Variants in FOCAD observed in about 807,000 individuals in gnomAD.
The protein encoded by FOCAD is focadhesin, also known as KIAA1797.
Under a neutral mutation model 225.6 loss-of-function variants are expected in FOCAD, and 198 were observed. The ratio of observed to expected loss-of-function variants is 0.88; its 90% CI spans 0.78 to 0.99. The LOEUF (loss-of-function observed/expected upper bound fraction) is 0.99. FOCAD is among the 50% of genes least tolerant of loss of function. The pLI is 0.00. For missense variants in FOCAD, 2,713 were observed against 2,123.6 expected, an observed-to-expected ratio of 1.28 and a Z score of -5.46; for synonymous variants, 897 against 755.0, an observed-to-expected ratio of 1.19 and a Z score of -3.08.
At chr9:20,781,100 C>T (rs887229036) in intron 9 of FOCAD, among the ~76,000 whole-genome samples, 3 of 152,158 alleles carry the variant, frequency 2.0e-5, no homozygotes, top group African/African-American at 7.2e-5. Flanking sequence ...ATATTTATGC[C>T]TTAACTCATT....
intron 5 of FOCAD, among the ~76,000 whole-genome samples, chr9:20,744,246 T>A (rs1359051363): frequency 6.6e-6 from 1 of 152,188 alleles, no homozygotes; most frequent in East Asian, 1.9e-4. Context: ...AGCTCATCTT[T>A]GGAGTTTTTA....
chr9:20,691,420 T>C lies in FOCAD; in HGVS notation c.-33+7127T>C, dbSNP rs564769207. The stretch of plus-strand genomic sequence containing the variant: ...GGTCAGTCATTAGACCTTATACTTC[T>C]GGATCATATCATTCAGCCTTTAAAT... On this transcript the variant is annotated intron_variant, in intron 1 of 43. Transcript: ENST00000338382. 1.8e-4 allele frequency among the ~76,000 whole-genome samples: 28 copies of C among 152,232 alleles called. 1 individual carries two copies. Among genetic ancestry groups the C allele is most frequent in the African/African-American group, 6.5e-4 (27 of 41,552 alleles).
At chr9:20,988,516 A>C (rs1021225988) in intron 41 of FOCAD, 87 bp downstream of exon 41, 1 of 410,120 alleles carries the variant, frequency 2.4e-6, no homozygotes, top group Non-Finnish European at 4.3e-6. Flanking sequence ...TTTTGCCATT[A>C]ATTGGCAAAA....
At chr9:20,799,828 G>C (rs1821587146) in intron 11 of FOCAD, among the ~76,000 whole-genome samples, 1 of 152,024 alleles carries the variant, frequency 6.6e-6, no homozygotes, top group Admixed American at 6.6e-5. Flanking sequence ...CTTTTAATTG[G>C]AGCATTTAGC....
intron 1 of FOCAD, among the ~76,000 whole-genome samples, chr9:20,685,196 A>ATTTTTTTTTTTTTTTTTTTT (rs397959541): frequency 8.4e-5 from 12 of 143,062 alleles, no homozygotes; most frequent in African/African-American, 1.8e-4. Flanking sequence ...TGAGTTGGAA[A>ATTTTTTTTTTTTTTTTTTTT]TTTTTTTTTT....
chr9:20,978,325 T>G lies in FOCAD; in HGVS notation c.4262-14T>G. ...TAACTATATATTCAATTCTTTTCCT[T>G]TCTTGACTTTCAGGTGAAGAGATCC... On this transcript the variant is annotated splice_polypyrimidine_tract_variant and intron_variant, in intron 36 of 43. Transcript: ENST00000338382. 1.9e-6 allele frequency: 3 copies of G among 1,564,728 alleles called. No individual in the cohort carries two copies. The highest frequency in any genetic ancestry group is 2.6e-6 in the Non-Finnish European group (3 of 1,145,246).
At chr9:20,908,993 G>A (rs559581144) in intron 22 of FOCAD, among the ~76,000 whole-genome samples, 1 of 151,998 alleles carries the variant, frequency 6.6e-6, no homozygotes, top group Non-Finnish European at 1.5e-5. Flanking sequence ...AATAAAGGAT[G>A]TTCAAAATGC....
intron 6 of FOCAD, among the ~76,000 whole-genome samples, chr9:20,763,509 C>T (rs556739950): frequency 3.3e-5 from 5 of 152,158 alleles, no homozygotes; most frequent in African/African-American, 7.2e-5. Context: ...ATCTTAAAAG[C>T]ACATCTGATG....
At chr9:20,754,833 C>T (rs1237118066) in intron 5 of FOCAD, among the ~76,000 whole-genome samples, 5 of 152,080 alleles carry the variant, frequency 3.3e-5, no homozygotes, top group African/African-American at 1.2e-4. Context: ...AGTGGTAAGA[C>T]TGAGAAACTC....
At chr9:20,813,189 G>A (rs963137155) in intron 11 of FOCAD, among the ~76,000 whole-genome samples, 28 of 152,042 alleles carry the variant, frequency 1.8e-4, no homozygotes, top group Non-Finnish European at 3.4e-4. Flanking sequence ...GTATATGATA[G>A]AATTTTTCTT....
In FOCAD at chr9:20,865,991, C is replaced by A; in HGVS notation, c.2106+15C>A. 6.3e-7 allele frequency: 1 copy of A among 1,595,828 alleles called. No individual in the cohort carries two copies. The highest frequency in any genetic ancestry group is 8.5e-7 in the Non-Finnish European group (1 of 1,169,674). On this transcript the variant is annotated intron_variant, in intron 17 of 43. Coordinates refer to ENST00000338382, the MANE Select transcript of FOCAD (RefSeq NM_001375567.1). ...CTCAAAACAAGGTACTATCACAAGG[C>A]TTGTCAGTGAATCAGAACAAAGCTA...
intron 35 of FOCAD, among the ~76,000 whole-genome samples, chr9:20,967,865 A>G (rs1429726811): frequency 1.6e-4 from 25 of 151,938 alleles, no homozygotes; most frequent in Admixed American, 1.6e-3. Flanking sequence ...ATGCTGTTGG[A>G]TTCTGTTTGC....
chr9:20,744,278 C>T (rs1296397685), intron 5 of FOCAD, among the ~76,000 whole-genome samples: 1 of 152,158 alleles, frequency 6.6e-6, no homozygotes, highest in African/African-American at 2.4e-5. Flanking sequence ...ATGGCCCAGA[C>T]TTCTGCATTT....
At chr9:20,943,152 C>T (rs991825171) in intron 28 of FOCAD, among the ~76,000 whole-genome samples, 12 of 152,160 alleles carry the variant, frequency 7.9e-5, no homozygotes, top group African/African-American at 1.9e-4. Context: ...TTTCCTCTTC[C>T]GTAAATGTGA....
chr9:20,805,444 A>G (rs779677066), intron 11 of FOCAD, among the ~76,000 whole-genome samples: 3 of 152,096 alleles, frequency 2.0e-5, no homozygotes, highest in Non-Finnish European at 2.9e-5. Flanking sequence ...ATTGTGCTGT[A>G]TGGTTGGGAT....
In FOCAD at chr9:20,783,803, G is replaced by A. The variant is rs185541097; in HGVS notation, c.1197+1874G>A. On this transcript the variant is annotated intron_variant, in intron 10 of 43. Transcript: ENST00000338382. ...TTCCTCCTTGTTCTCCTCCACTCCC[G>A]CAAGAGAATGTGGGGGATAAAAGAG... is the stretch of plus-strand genomic sequence containing the variant. 1.3e-5 allele frequency among the ~76,000 whole-genome samples: 2 copies of A among 152,152 alleles called. 1 individual carries two copies. The highest frequency in any genetic ancestry group is 2.9e-5 in the Non-Finnish European group (2 of 68,012).
chr9:20,935,711 T>C (rs1002422860), intron 28 of FOCAD, among the ~76,000 whole-genome samples: 5 of 152,200 alleles, frequency 3.3e-5, no homozygotes, highest in African/African-American at 4.8e-5. Flanking sequence ...CTTAATCTTT[T>C]TAAAGATTTG....
At position 20,992,840 on chromosome 9, in the gene FOCAD, A is replaced by G. The variant is rs556897719; in HGVS notation, c.5257-413A>G. Among the ~76,000 whole-genome samples, 380 of 152,156 alleles carry G rather than the reference A, an allele frequency of 2.5e-3. 2 individuals carry two copies. Among genetic ancestry groups the G allele is most frequent in the African/African-American group, 8.9e-3 (368 of 41,508 alleles). Reference sequence around the variant, plus strand: ...TAGCTGGGTGTGGTGGTGTACGCCTATAGTCCCCGCTGCTCTGGAGGCTGA... The same window carrying G: ...TAGCTGGGTGTGGTGGTGTACGCCTGTAGTCCCCGCTGCTCTGGAGGCTGA... On this transcript the variant is annotated intron_variant, in intron 42 of 43. Transcript: ENST00000338382.
rs1051727818 is a variant in FOCAD, at chr9:20,823,219, G to A, written c.1920+104G>A. The A allele has an allele frequency of 3.2e-6, 4 of 1,256,220 alleles. No individual in the cohort carries two copies. The African/African-American group carries it at 4.7e-5, about 15-fold the overall frequency. The allele number at this position is 1,256,220 out of a possible 1,614,324, so 77.8% of individuals were successfully genotyped here. On this transcript the variant is annotated intron_variant, in intron 15 of 43. Transcript: ENST00000338382. ...AGATTCAAATAACTGAAGTCTGAGT[G>A]TTCATTCCCAGTGAATTTTTTCTTG...
Sources: gnomAD v4.1 joint callset for allele counts (sites outside exome capture counted in the v4.1 genomes callset) on GRCh38, gnomAD v4.1.1 for gene constraint, MANE v1.5 for transcripts, NCBI Gene and HGNC (gene_info 2026-07-23, HGNC 2026-07-21) for gene names.